The following CNTN4 variants were observed in gnomAD, a reference collection of about 807,000 sequenced individuals.
The protein encoded by CNTN4 is contactin 4.
Under a neutral mutation model 122.5 loss-of-function variants are expected in CNTN4, and 77 were observed. That is an observed-to-expected ratio of 0.63 (90% CI 0.52 to 0.76). The LOEUF is 0.76. CNTN4 is among the 30% of genes least tolerant of loss of function. The pLI is 0.00. For synonymous variants in CNTN4, 512 were observed against 447.0 expected, an observed-to-expected ratio of 1.15 and a Z score of -1.83; for missense variants, 1,256 against 1,259.1, an observed-to-expected ratio of 1.00 and a Z score of 0.04.
At chr3:2,569,170 TA>T (rs199540079) in intron 3 of CNTN4, among the ~76,000 whole-genome samples, 4,675 of 152,268 alleles carry the variant, frequency 0.031, 79 homozygotes, top group Middle Eastern at 0.065. Context: ...GTCTTCACAA[TA>T]TATTAAGTCC....
intron 4 of CNTN4, among the ~76,000 whole-genome samples, chr3:2,632,605 T>C (rs1317547357): frequency 3.9e-5 from 6 of 152,186 alleles, no homozygotes; most frequent in Admixed American, 3.3e-4. Flanking sequence ...GTATTATCCT[T>C]GAGCCTCTTA....
intron 3 of CNTN4, among the ~76,000 whole-genome samples, chr3:2,479,085 G>A (rs1224000397): frequency 6.6e-6 from 1 of 151,494 alleles, no homozygotes; most frequent in Non-Finnish European, 1.5e-5. Flanking sequence ...CCATCTTTCT[G>A]TCACTTTGGC....
chr3:2,622,277 A>C (rs2082019768), intron 4 of CNTN4, among the ~76,000 whole-genome samples: 1 of 152,180 alleles, frequency 6.6e-6, no homozygotes, highest in Non-Finnish European at 1.5e-5. Flanking sequence ...TCCTTTGGAC[A>C]AGAATATAAA....
chr3:2,396,040 G>A lies in CNTN4; in HGVS notation c.-89+56807G>A, dbSNP rs553871773. ...ATTCCTTATGGGGCTGTTTGTTGTT[G>A]TTATTTTTTTTTTTTTTAGACAAAG... On this transcript the variant is annotated intron_variant, in intron 3 of 24. Transcript: ENST00000418658. Among the ~76,000 whole-genome samples the A allele has an allele frequency of 2.0e-5, 3 of 150,266 alleles. No individual in the cohort carries two copies. In the East Asian group the frequency reaches 5.9e-4, roughly 29 times the overall value.
chr3:2,354,738 G>A (rs561495874), intron 3 of CNTN4, among the ~76,000 whole-genome samples: 30 of 152,186 alleles, frequency 2.0e-4, no homozygotes, highest in African/African-American at 6.7e-4. Flanking sequence ...ATCACACTTG[G>A]CTGTAAGTAA....
At chr3:2,344,273 G>T (rs1176776304) in intron 3 of CNTN4, among the ~76,000 whole-genome samples, 1 of 143,002 alleles carries the variant, frequency 7.0e-6, no homozygotes, top group African/African-American at 2.7e-5. Context: ...CAAAGGCCAG[G>T]TCAAATTTTT....
intron 3 of CNTN4, among the ~76,000 whole-genome samples, chr3:2,513,563 G>C (rs534145326): frequency 1.3e-5 from 2 of 152,004 alleles, no homozygotes; most frequent in East Asian, 3.9e-4. Flanking sequence ...TTCTGTAGAG[G>C]AGTATCTTCC....
intron 3 of CNTN4, among the ~76,000 whole-genome samples, chr3:2,485,709 C>T (rs959761129): frequency 1.3e-5 from 2 of 152,160 alleles, no homozygotes; most frequent in Admixed American, 1.3e-4. Context: ...TGTAAACACA[C>T]CAATCAGCAT....
chr3:2,224,416 G>A lies in CNTN4; in HGVS notation c.-144-114762G>A, dbSNP rs182908689. ...TTGCATTTTTGTTCCTGGGAAAGACGATAGTCTGTGAGACCACCTCATGGG... is the reference window on the plus strand; with the variant it reads ...TTGCATTTTTGTTCCTGGGAAAGACAATAGTCTGTGAGACCACCTCATGGG... On this transcript the variant is annotated intron_variant, in intron 2 of 24. Coordinates refer to ENST00000418658, the MANE Select transcript of CNTN4 (RefSeq NM_175607.3). Among the ~76,000 whole-genome samples, 305 of 152,284 alleles carry A rather than the reference G, an allele frequency of 2.0e-3. 10 individuals are homozygous for A. Among genetic ancestry groups the A allele is most frequent in the Admixed American group, 0.019 (287 of 15,292 alleles).
intron 3 of CNTN4, among the ~76,000 whole-genome samples, chr3:2,515,326 C>G (rs1213009163): frequency 6.6e-6 from 1 of 152,038 alleles, no homozygotes; most frequent in Non-Finnish European, 1.5e-5. Context: ...AAGGATTTAT[C>G]TTAATGTATT....
intron 6 of CNTN4, among the ~76,000 whole-genome samples, chr3:2,813,205 A>G (rs1170118790): frequency 6.6e-6 from 1 of 152,220 alleles, no homozygotes; most frequent in Non-Finnish European, 1.5e-5. Flanking sequence ...TTCTTTTTAT[A>G]AATGGTGCAG....
At chr3:2,858,868 C>G (rs553132373) in intron 7 of CNTN4, among the ~76,000 whole-genome samples, 66 of 152,226 alleles carry the variant, frequency 4.3e-4, no homozygotes, top group African/African-American at 1.6e-3. Context: ...CTAAATCATG[C>G]TCATTAACAT....
intron 4 of CNTN4, among the ~76,000 whole-genome samples, chr3:2,721,343 A>G (rs998314104): frequency 3.3e-5 from 5 of 152,206 alleles, no homozygotes; most frequent in Non-Finnish European, 7.3e-5. Context: ...GAAACAAATC[A>G]TGGTAGTGGC....
chr3:2,552,342 A>G (rs2078543801), intron 3 of CNTN4, among the ~76,000 whole-genome samples: 1 of 152,322 alleles, frequency 6.6e-6, no homozygotes, highest in East Asian at 1.9e-4. Flanking sequence ...ACTTCTTTTG[A>G]CTTTTAAAGA....
chr3:2,284,875 A>C (rs2041846612), intron 2 of CNTN4, among the ~76,000 whole-genome samples: 1 of 151,062 alleles, frequency 6.6e-6, no homozygotes, highest in Non-Finnish European at 1.5e-5. Context: ...GGACATTATT[A>C]ATAGTAAAGT....
chr3:2,618,962 G>C (rs989360511), intron 4 of CNTN4, among the ~76,000 whole-genome samples: 3 of 152,080 alleles, frequency 2.0e-5, no homozygotes, highest in Admixed American at 1.3e-4. Flanking sequence ...AAATTATTTA[G>C]GCTCACCAAA....
At chr3:2,864,105 C>T (rs1418956317) in intron 7 of CNTN4, among the ~76,000 whole-genome samples, 1 of 152,062 alleles carries the variant, frequency 6.6e-6, no homozygotes, top group Non-Finnish European at 1.5e-5. Flanking sequence ...AGTGCAACAC[C>T]AATAATAACT....
intron 3 of CNTN4, among the ~76,000 whole-genome samples, chr3:2,489,952 T>C (rs1396369803): frequency 6.6e-6 from 1 of 152,186 alleles, no homozygotes; most frequent in African/African-American, 2.4e-5. Context: ...TGCCATTTTA[T>C]ATTTTTCTAC....
At chr3:2,320,334 T>C (rs541675777) in intron 2 of CNTN4, among the ~76,000 whole-genome samples, 62 of 152,268 alleles carry the variant, frequency 4.1e-4, no homozygotes, top group Non-Finnish European at 7.2e-4. Flanking sequence ...GTAATCAAGA[T>C]GAATTATAAC....
Sources: allele counts gnomAD v4.1 joint callset (sites outside exome capture counted in the v4.1 genomes callset), GRCh38; gene constraint gnomAD v4.1.1; transcripts MANE v1.5; gene names NCBI Gene and HGNC (gene_info 2026-07-23, HGNC 2026-07-21).